STPG2: variants seen among roughly 807,000 people sequenced by gnomAD.
STPG2 encodes sperm-tail PG-rich repeat-containing protein 2.
STPG2 carries 56 observed loss-of-function variants against 54.2 expected under a neutral mutation model. That is an observed-to-expected ratio of 1.03 (90% CI 0.83 to 1.29). STPG2 has a LOEUF of 1.29. Ranked by LOEUF, STPG2 falls within the 50% of genes most tolerant of loss-of-function variation. The pLI, the probability that STPG2 is intolerant of heterozygous loss-of-function variation, is 0.00. For missense variants in STPG2, 596 were observed against 544.9 expected, an observed-to-expected ratio of 1.09 and a Z score of -0.93; for synonymous variants, 200 against 181.8, an observed-to-expected ratio of 1.10 and a Z score of -0.81.
intron 4 of STPG2, among the ~76,000 whole-genome samples, chr4:97,461,746 G>A (rs1178343826): frequency 6.6e-6 from 1 of 152,024 alleles, no homozygotes; most frequent in African/African-American, 2.4e-5. Flanking sequence ...CTTTCCATTT[G>A]CATATCCTTT....
intron 7 of STPG2, among the ~76,000 whole-genome samples, chr4:97,969,595 G>A (rs1299585585): frequency 1.3e-5 from 2 of 152,086 alleles, no homozygotes; most frequent in African/African-American, 4.8e-5. Flanking sequence ...ATTGCGGGCT[G>A]CTGGCCAGAT....
intron 4 of STPG2, among the ~76,000 whole-genome samples, chr4:97,527,970 G>C (rs890055547): frequency 2.0e-5 from 3 of 152,066 alleles, no homozygotes; most frequent in Admixed American, 6.6e-5. Flanking sequence ...TCTGATGCTA[G>C]TTTCTTTTGT....
intron 7 of STPG2, among the ~76,000 whole-genome samples, chr4:97,965,395 T>A (rs1734059556): frequency 6.6e-6 from 1 of 152,158 alleles, no homozygotes; most frequent in African/African-American, 2.4e-5. Context: ...CTCTATAGAC[T>A]CCACTTTGGT....
chr4:97,577,398 C>A (rs1029084337), intron 10 of STPG2, among the ~76,000 whole-genome samples: 6 of 151,308 alleles, frequency 4.0e-5, no homozygotes, highest in African/African-American at 9.8e-5. Context: ...CACTATGGAA[C>A]ACCAACAGCC....
intron 10 of STPG2, among the ~76,000 whole-genome samples, chr4:97,617,129 AGTGTGTGT>A (rs34498683): frequency 6.7e-6 from 1 of 149,788 alleles, no homozygotes. Flanking sequence ...TATAATTTAA[AGTGTGTGT>A]GTGTGTGTGT....
At chr4:98,022,829 A>T (rs891655342) in intron 5 of STPG2, among the ~76,000 whole-genome samples, 1 of 152,098 alleles carries the variant, frequency 6.6e-6, no homozygotes, top group African/African-American at 2.4e-5. Flanking sequence ...AGGCTTCTGC[A>T]TTCTTCACGT....
intron 5 of STPG2, among the ~76,000 whole-genome samples, chr4:98,030,220 C>G (rs183828672): frequency 6.6e-6 from 1 of 152,310 alleles, no homozygotes; most frequent in East Asian, 1.9e-4. Flanking sequence ...GCTGCAGTCT[C>G]TATCACCACC....
At chr4:97,972,557 G>A in intron 6 of STPG2, 117 bp from the exon 7 acceptor site, 2 of 584,154 alleles carry the variant, frequency 3.4e-6, no homozygotes, top group Admixed American at 8.5e-5. Flanking sequence ...ACATATTTCT[G>A]GCATAAATGT....
chr4:98,050,889 C>T (rs1402075331), intron 5 of STPG2, among the ~76,000 whole-genome samples: 1 of 151,816 alleles, frequency 6.6e-6, no homozygotes, highest in Non-Finnish European at 1.5e-5. Flanking sequence ...CCTGTAGTCC[C>T]AGCTACTCGG....
chr4:97,565,784 T>G (rs939764265), intron 10 of STPG2, among the ~76,000 whole-genome samples: 3 of 152,254 alleles, frequency 2.0e-5, no homozygotes, highest in South Asian at 2.1e-4. Context: ...GTCTGATCGT[T>G]CCTCTGGAAG....
At chr4:97,542,594 A>G (rs1158729901) in intron 4 of STPG2, among the ~76,000 whole-genome samples, 1 of 152,214 alleles carries the variant, frequency 6.6e-6, no homozygotes, top group African/African-American at 2.4e-5. Context: ...TAGAAATACC[A>G]TTTGACTCAG....
intron 8 of STPG2, among the ~76,000 whole-genome samples, chr4:97,891,764 T>C (rs1421230813): frequency 1.3e-5 from 2 of 152,154 alleles, no homozygotes; most frequent in Admixed American, 6.6e-5. Flanking sequence ...ATGAATTTTC[T>C]GGATTGGAAT....
chr4:98,017,930 C>A (rs1235023259), intron 5 of STPG2, among the ~76,000 whole-genome samples: 1 of 152,148 alleles, frequency 6.6e-6, no homozygotes, highest in Admixed American at 6.5e-5. Context: ...TTCTCTTCCA[C>A]CTTCTGCCAT....
chr4:97,505,713 T>A (rs1316453762), intron 4 of STPG2, among the ~76,000 whole-genome samples: 1 of 151,862 alleles, frequency 6.6e-6, no homozygotes, highest in Non-Finnish European at 1.5e-5. Context: ...ATTCCTTTTC[T>A]CAAAATGTAA....
At position 97,595,949 on chromosome 4, in the gene STPG2, C is replaced by T. The variant is rs191377409; in HGVS notation, c.1321-36832G>A. Among the ~76,000 whole-genome samples the T allele has an allele frequency of 2.6e-3, 394 of 152,198 alleles. 1 individual carries two copies. Among genetic ancestry groups the T allele is most frequent in the African/African-American group, 9.0e-3 (373 of 41,532 alleles). ...ACCTTGAATGTAAATGGGCTAAATG[C>T]CCCAAGTAAAAGGCACAGACTGGCA... On this transcript the variant is annotated intron_variant, in intron 10 of 10. Transcript: ENST00000295268.
chr4:97,512,403 T>C (rs549160962), intron 4 of STPG2, among the ~76,000 whole-genome samples: 80 of 152,230 alleles, frequency 5.3e-4, no homozygotes, highest in Non-Finnish European at 1.1e-3. Context: ...AAGGTGCCTA[T>C]GAAATCCCTG....
intron 4 of STPG2, among the ~76,000 whole-genome samples, chr4:97,513,191 G>A (rs752165526): frequency 1.5e-4 from 23 of 152,142 alleles, no homozygotes; most frequent in Middle Eastern, 3.4e-3. Flanking sequence ...AATTGCCAGA[G>A]GGAAGAACTG....
intron 9 of STPG2, among the ~76,000 whole-genome samples, chr4:97,837,977 T>A (rs1728680348): frequency 6.6e-6 from 1 of 151,540 alleles, no homozygotes; most frequent in African/African-American, 2.4e-5. Flanking sequence ...AAGAAAACGA[T>A]GTGCGTTTTT....
rs188965876 is a variant in STPG2 at position 97,527,288 on chromosome 4, T to C, written c.462+185411A>G. ...TCCTGGGTTAGTTTGCTGAGGATGA[T>C]AGCTTCCAGCTTCATCCATGTCCCT... is the stretch of plus-strand genomic sequence containing the variant. On this transcript the variant is annotated intron_variant, in intron 4 of 4. Coordinates refer to the STPG2 transcript ENST00000522676. Among the ~76,000 whole-genome samples the C allele has an allele frequency of 4.6e-5, 7 of 152,280 alleles. No individual in the cohort carries two copies. The East Asian group carries it at 1.4e-3, about 30-fold the overall frequency.
Sources: allele counts gnomAD v4.1 joint callset (sites outside exome capture counted in the v4.1 genomes callset), GRCh38; gene constraint gnomAD v4.1.1; transcripts MANE v1.5; gene names NCBI Gene and HGNC (gene_info 2026-07-23, HGNC 2026-07-21).